Variants in LRRC8A observed in about 807,000 individuals in gnomAD.
The protein encoded by LRRC8A is volume-regulated anion channel subunit LRRC8A.
LRRC8A carries 24 observed loss-of-function variants against 52.5 expected under a neutral mutation model. That is an observed-to-expected ratio of 0.46 (90% CI 0.33 to 0.64). The LOEUF is 0.64. Ranked by LOEUF, LRRC8A falls within the 30% of genes least tolerant of loss-of-function variation. The pLI, the probability that LRRC8A is intolerant of heterozygous loss-of-function variation, is 0.02. For synonymous variants in LRRC8A, 492 were observed against 494.2 expected, an observed-to-expected ratio of 1.00 and a Z score of 0.06; for missense variants, 677 against 1,094.7, an observed-to-expected ratio of 0.62 and a Z score of 5.38.
rs769943910 is a variant in LRRC8A at position 128,907,768 on chromosome 9, A to T, written c.604A>T (p.Ser202Cys). Reference sequence around the variant, plus strand: ...CATGGACAAAAAGTCATCGACCGTCAGTGAGGACGTGGAGGCCACCGTGCC... The same window carrying T: ...CATGGACAAAAAGTCATCGACCGTCTGTGAGGACGTGGAGGCCACCGTGCC... ...GSMDKKSSTVSEDVEATVPML... is the reference protein window; with the variant it reads ...GSMDKKSSTVCEDVEATVPML... Residue 202 changes from serine to cysteine, a missense_variant, in exon 3 of 4, where the codon AGT (serine) becomes TGT (cysteine). Ser to Cys is a moderately radical substitution (Grantham distance 112). This residue lies in a region of LRRC8A where 422 missense variants were observed against 741.5 expected (regional missense o/e 0.57). Coordinates refer to ENST00000372600, the MANE Select transcript of LRRC8A (RefSeq NM_019594.4). This position sits in a 1 kb window ranked among gnomAD's most constrained non-coding sequence, Gnocchi z 9.3. 1 of 1,613,812 alleles carries T rather than the reference A, an allele frequency of 6.2e-7. No homozygotes were observed. The highest frequency in any genetic ancestry group is 1.3e-5 in the African/African-American group (1 of 74,908).
intron 2 of LRRC8A, among the ~76,000 whole-genome samples, chr9:128,890,130 TTGTGTGTGTGTGTGTGTGTGTGTGTG>T (rs57721007): frequency 2.3e-5 from 3 of 128,210 alleles, no homozygotes; most frequent in African/African-American, 8.5e-5. Flanking sequence ...TGGCTTCATT[TTGTGTGTGTGTGTGTGTGTGTGTGTG>T]TGTGTGTGTG....
chr9:128,906,938 C>T lies in LRRC8A; in HGVS notation c.-8-219C>T, dbSNP rs562863430. On this transcript the variant is annotated intron_variant, in intron 2 of 3. Coordinates refer to ENST00000372600, the MANE Select transcript of LRRC8A (RefSeq NM_019594.4). ...GTGTATTAAATGGGGAGCCTGCCTGCCTCCCCCAGGGTGGTTTCCCAGCCA... is the reference window on the plus strand; with the variant it reads ...GTGTATTAAATGGGGAGCCTGCCTGTCTCCCCCAGGGTGGTTTCCCAGCCA... Among the ~76,000 whole-genome samples the T allele has an allele frequency of 2.0e-5, 3 of 152,368 alleles. No homozygotes were observed. The South Asian group carries it at 6.2e-4, about 32-fold the overall frequency.
intron 3 of LRRC8A, among the ~76,000 whole-genome samples, chr9:128,910,572 A>G (rs557440630): frequency 4.6e-5 from 7 of 152,316 alleles, no homozygotes; most frequent in Non-Finnish European, 1.0e-4. Context: ...ATGTGCCTGT[A>G]GTCCCAGCTA....
rs1840883654 is a variant in LRRC8A at position 128,917,651 on chromosome 9, G to A, written c.*1280G>A. ...GTCCTTCATGAAGAGCAGACACTTA[G>A]AGGCTGGTCGGGAATGGGGAGGTCG... On this transcript the variant is annotated 3_prime_UTR_variant, in exon 4 of 4. Coordinates refer to ENST00000372600, the MANE Select transcript of LRRC8A (RefSeq NM_019594.4). The A allele has an allele frequency of 6.5e-6, 1 of 152,884 alleles. No individual in the cohort carries two copies. Among genetic ancestry groups the A allele is most frequent in the Non-Finnish European group, 1.5e-5 (1 of 68,142 alleles). The allele number at this position is 152,884 out of a possible 1,614,324, so 9.5% of individuals were successfully genotyped here. A position where few individuals can be genotyped will look rare whatever the true frequency, so the allele number is the denominator to read the frequency against.
At chr9:128,893,700 A>C (rs892650158) in intron 2 of LRRC8A, among the ~76,000 whole-genome samples, 1 of 152,062 alleles carries the variant, frequency 6.6e-6, no homozygotes, top group Admixed American at 6.6e-5. Context: ...ACAGTGAGGA[A>C]GGTCTTTTGA....
At chr9:128,914,674 C>G (rs1296269937) in intron 3 of LRRC8A, among the ~76,000 whole-genome samples, 2 of 152,230 alleles carry the variant, frequency 1.3e-5, no homozygotes, top group African/African-American at 4.8e-5. Flanking sequence ...TGTGCCATCT[C>G]CCCATCATCC....
intron 2 of LRRC8A, among the ~76,000 whole-genome samples, chr9:128,906,045 C>T (rs762679587): frequency 8.5e-5 from 13 of 152,172 alleles, no homozygotes; most frequent in Admixed American, 6.5e-4. Context: ...TGAGGCCGCT[C>T]CCCTAGGAGC....
In LRRC8A at chr9:128,886,427, C is replaced by G. The variant is rs571246528; in HGVS notation, c.-9+306C>G. Among the ~76,000 whole-genome samples, 45 of 152,210 alleles carry G rather than the reference C, an allele frequency of 3.0e-4. 1 individual carries two copies. The highest frequency in any genetic ancestry group is 2.0e-3 in the Admixed American group (31 of 15,280). ...CCTCATGACCACATTTCCCAAAAAG[C>G]GTGGACCACGTTTCCCAAGTGTGTT... On this transcript the variant is annotated intron_variant, in intron 2 of 3. Transcript: ENST00000372600.
At chr9:128,893,231 G>T (rs1451739521) in intron 2 of LRRC8A, among the ~76,000 whole-genome samples, 1 of 152,078 alleles carries the variant, frequency 6.6e-6, no homozygotes, top group Non-Finnish European at 1.5e-5. Flanking sequence ...GGTCCTGTGG[G>T]TCTCTGAGTG....
chr9:128,916,103 C>T lies in LRRC8A; in HGVS notation c.2165C>T (p.Thr722Met), dbSNP rs868086143. Reference protein sequence around the residue: ...NLAITANRIETLPPELFQCRK... With the variant: ...NLAITANRIEMLPPELFQCRK... The stretch of plus-strand genomic sequence containing the variant: ...CTGCTTTTTTCCCTCCAGATCGAGA[C>T]GCTCCCTCCGGAGCTCTTCCAGTGC... Residue 722 changes from threonine to methionine, a missense_variant, in exon 4 of 4, where the codon ACG (threonine) becomes ATG (methionine). Physicochemically the swap from Thr to Met is moderately conservative, Grantham distance 81. Coordinates refer to ENST00000372600, the MANE Select transcript of LRRC8A (RefSeq NM_019594.4). The surrounding 1 kb of genome is among the most constrained non-coding windows in gnomAD (Gnocchi z 6.1). 44 of 1,603,922 alleles carry T rather than the reference C, an allele frequency of 2.7e-5. No homozygotes were observed. The highest frequency in any genetic ancestry group is 3.3e-5 in the Non-Finnish European group (39 of 1,172,432).
chr9:128,898,394 C>T (rs1839905188), intron 2 of LRRC8A, among the ~76,000 whole-genome samples: 1 of 152,170 alleles, frequency 6.6e-6, no homozygotes, highest in Admixed American at 6.5e-5. Flanking sequence ...TTATTGTCCA[C>T]CTACTGCGTG....
intron 2 of LRRC8A, among the ~76,000 whole-genome samples, chr9:128,890,731 G>A (rs984370514): frequency 6.6e-6 from 1 of 152,208 alleles, no homozygotes; most frequent in Non-Finnish European, 1.5e-5. Flanking sequence ...CAGAAGATGT[G>A]TCTGCTGCCT....
intron 2 of LRRC8A, among the ~76,000 whole-genome samples, chr9:128,889,716 G>C (rs1230027253): frequency 6.6e-6 from 1 of 151,700 alleles, no homozygotes; most frequent in East Asian, 1.9e-4. Flanking sequence ...GGCTGGTCTC[G>C]ATCTCCTGAC....
At position 128,889,411 on chromosome 9, in the gene LRRC8A, C is replaced by T. The variant is rs956093594; in HGVS notation, c.-9+3290C>T. 2.6e-5 allele frequency among the ~76,000 whole-genome samples: 4 copies of T among 152,046 alleles called. No individual in the cohort carries two copies. The East Asian group carries it at 5.8e-4, about 22-fold the overall frequency. On this transcript the variant is annotated intron_variant, in intron 2 of 3. Coordinates refer to ENST00000372600, the MANE Select transcript of LRRC8A (RefSeq NM_019594.4). ...TTCAGCCTTAGTCCCAGTCGTCTAC[C>T]GCAGAACTCATGCCCTTGGTGTGGA...
Position 128,908,325 on chromosome 9 carries a change from C to T in LRRC8A, c.1161C>T (p.Ser387=), listed in dbSNP as rs1440493336. 3.7e-6 allele frequency: 6 copies of T among 1,614,140 alleles called. No homozygotes were observed. Among genetic ancestry groups the T allele is most frequent in the Non-Finnish European group, 4.2e-6 (5 of 1,180,044 alleles). ...TTGACCAATACGACCCGCTCTACTC[C>T]AAGCGCTTCGCCGTCTTCCTGTCGG... ...HLIDQYDPLY[S]KRFAVFLSEV... Residue 387 remains serine (S), a synonymous_variant, in exon 3 of 4, where the codon TCC becomes TCT. Coordinates refer to ENST00000372600, the MANE Select transcript of LRRC8A (RefSeq NM_019594.4).
chr9:128,885,380 C>T (rs1055580543), intron 1 of LRRC8A: 9 of 152,264 alleles, frequency 5.9e-5, no homozygotes, highest in East Asian at 1.9e-4. Flanking sequence ...CATGTACTCT[C>T]TCCTCCAGGT....
At chr9:128,886,221 C>CT (rs1184980282) in intron 2 of LRRC8A, 100 bp downstream of exon 2, 5 of 152,378 alleles carry the variant, frequency 3.3e-5, no homozygotes, top group African/African-American at 1.2e-4. Flanking sequence ...CCCCACAGTC[C>CT]TTTGCTTTTC....
At chr9:128,910,058 C>T (rs1445297152) in intron 3 of LRRC8A, among the ~76,000 whole-genome samples, 1 of 152,170 alleles carries the variant, frequency 6.6e-6, no homozygotes, top group African/African-American at 2.4e-5. Context: ...CTGGGGAAGC[C>T]CCCATCCAAG....
chr9:128,893,737 A>G (rs1369162081), intron 2 of LRRC8A, among the ~76,000 whole-genome samples: 1 of 152,206 alleles, frequency 6.6e-6, no homozygotes, highest in Non-Finnish European at 1.5e-5. Context: ...TTTTCTACTC[A>G]TAAACATACC....
Sources: gnomAD v4.1 joint callset for allele counts (sites outside exome capture counted in the v4.1 genomes callset) on GRCh38, gnomAD v4.1.1 for gene constraint, gnomAD v4.1.1 regional missense constraint, Gnocchi (gnomAD v3.1) non-coding constraint, MANE v1.5 for transcripts, NCBI Gene and HGNC (gene_info 2026-07-23, HGNC 2026-07-21) for gene names.